PROX1: variants seen among roughly 807,000 people sequenced by gnomAD.
PROX1 encodes the protein prospero homeobox protein 1.
Under a neutral mutation model 58.8 loss-of-function variants are expected in PROX1, and 7 were observed. That is an observed-to-expected ratio of 0.12 (90% CI 0.07 to 0.22). PROX1 has a LOEUF of 0.22. Ranked by LOEUF, PROX1 falls within the 10% of genes least tolerant of loss-of-function variation. The probability of loss-of-function intolerance (pLI) is 1.00; values close to 1 mark genes in which losing one functional copy is unlikely to be tolerated. For synonymous variants in PROX1, 350 were observed against 358.3 expected (o/e 0.98, Z 0.26); for missense variants, 675 against 927.8 (o/e 0.73, Z 3.54).
chr1:214,032,860 AC>A (rs1040052072), intron 4 of PROX1, among the ~76,000 whole-genome samples: 4 of 152,240 alleles, frequency 2.6e-5, no homozygotes, highest in Non-Finnish European at 4.4e-5. Flanking sequence ...TATGATTGCC[AC>A]CACAAGAAAG....
At chr1:213,998,299 A>G (rs762405516) in intron 2 of PROX1, 39 bp downstream of exon 2, 2 of 1,513,242 alleles carry the variant, frequency 1.3e-6, no homozygotes, top group South Asian at 2.7e-5. Flanking sequence ...AAACAAACCA[A>G]AAAAGGTTTC....
In PROX1 at chr1:213,997,446, C is replaced by T; in HGVS notation, c.911C>T (p.Pro304Leu). 1 of 1,614,096 alleles carries T rather than the reference C, an allele frequency of 6.2e-7. No homozygotes were observed. The highest frequency in any genetic ancestry group is 8.5e-7 in the Non-Finnish European group (1 of 1,180,026). Reference protein sequence around the residue: ...RSDNEMCELDPGQFIDRARAL... With the variant: ...RSDNEMCELDLGQFIDRARAL... ...GATAATGAGATGTGCGAGCTAGACC[C>T]AGGACAGTTTATTGACCGAGCTCGA... Residue 304 changes from proline to leucine, a missense_variant, in exon 2 of 5, where the codon CCA becomes CTA. Pro to Leu is a moderately conservative substitution (Grantham distance 98, BLOSUM62 -3). Around this residue, in one of 8 missense-constraint regions of PROX1, gnomAD observed 403 missense variants for 477.4 expected, o/e 0.84. Coordinates refer to ENST00000366958, the MANE Select transcript of PROX1 (RefSeq NM_001270616.2). This position sits in a 1 kb window ranked among gnomAD's most constrained non-coding sequence, Gnocchi z 7.1.
At chr1:214,029,969 A>T (rs1007845995) in intron 4 of PROX1, 1 of 152,644 alleles carries the variant, frequency 6.6e-6, no homozygotes, top group African/African-American at 2.4e-5. Flanking sequence ...CCGTAACAAA[A>T]GCCCAACAGC....
At chr1:214,035,522 T>G in intron 4 of PROX1, 127 bp from the exon 5 acceptor site, 3 of 856,554 alleles carry the variant, frequency 3.5e-6, no homozygotes, top group Non-Finnish European at 5.2e-6. Flanking sequence ...AAGCCAGCTA[T>G]TTTTAGAAAA....
chr1:214,012,039 G>T (rs1160332126), intron 4 of PROX1, among the ~76,000 whole-genome samples: 3 of 152,156 alleles, frequency 2.0e-5, no homozygotes, highest in African/African-American at 7.2e-5. Flanking sequence ...CAAGGAAGAG[G>T]TCCCTACTCC....
intron 3 of PROX1, among the ~76,000 whole-genome samples, 175 bp from the exon 4 acceptor site, chr1:214,011,346 A>C (rs944262729): frequency 1.3e-5 from 2 of 152,130 alleles, no homozygotes; most frequent in African/African-American, 4.8e-5. Flanking sequence ...GGTTTTTATA[A>C]TTTCTTGTAA....
chr1:214,005,203 A>T lies in PROX1; in HGVS notation c.1764A>T (p.Ala588=). 1 of 1,614,112 alleles carries T rather than the reference A, an allele frequency of 6.2e-7. No individual in the cohort carries two copies. The highest frequency in any genetic ancestry group is 8.5e-7 in the Non-Finnish European group (1 of 1,179,962). The stretch of plus-strand genomic sequence containing the variant: ...TGTCACCCAATCACTTGAAAAAAGC[A>T]AAGCTCATGTTTTTTTATACCCGTT... ...EGLSPNHLKK[A]KLMFFYTRYP... Residue 588 remains alanine (A), a synonymous_variant, in exon 3 of 5, where the codon GCA becomes GCT. Coordinates refer to ENST00000366958, the MANE Select transcript of PROX1 (RefSeq NM_001270616.2).
chr1:214,017,782 C>G (rs895586547), intron 4 of PROX1, among the ~76,000 whole-genome samples: 2 of 152,140 alleles, frequency 1.3e-5, no homozygotes, highest in Non-Finnish European at 2.9e-5. Context: ...GGTGCTGGGA[C>G]AGTGGTGGGT....
upstream of PROX1, among the ~76,000 whole-genome samples, chr1:213,986,744 T>A (rs529762159): frequency 2.0e-5 from 3 of 152,328 alleles, no homozygotes; most frequent in South Asian, 6.2e-4. Context: ...TTTTATAGGA[T>A]CTTTAGGTCA....
intron 2 of PROX1, among the ~76,000 whole-genome samples, chr1:214,001,272 G>T (rs954778029): frequency 4.6e-5 from 7 of 152,158 alleles, no homozygotes; most frequent in African/African-American, 1.7e-4. Flanking sequence ...GAATGTGTAT[G>T]CAAGTTAAAC....
chr1:213,994,740 C>A (rs1663178886), intron 1 of PROX1, among the ~76,000 whole-genome samples: 1 of 120,446 alleles, frequency 8.3e-6, no homozygotes, highest in African/African-American at 3.1e-5. Context: ...ATTTCATTCT[C>A]AAGCATGCAA....
At chr1:214,020,358 G>T (rs1358950770) in intron 4 of PROX1, among the ~76,000 whole-genome samples, 2 of 152,090 alleles carry the variant, frequency 1.3e-5, no homozygotes, top group African/African-American at 4.8e-5. Flanking sequence ...TCTTCTGAAG[G>T]TTCCTTTCTC....
At chr1:214,028,409 G>C (rs1034752525) in intron 4 of PROX1, among the ~76,000 whole-genome samples, 1 of 152,102 alleles carries the variant, frequency 6.6e-6, no homozygotes, top group Non-Finnish European at 1.5e-5. Context: ...ATTCAGCTAC[G>C]AACAGTGCAG....
chr1:213,984,281 T>A (rs1662771534), upstream of PROX1: 1 of 152,238 alleles, frequency 6.6e-6, no homozygotes, highest in Non-Finnish European at 1.5e-5. Context: ...TGAAATTATA[T>A]TTTCATGACA....
At position 214,040,045 on chromosome 1, in the gene PROX1, C is replaced by T. The variant is rs896492063; in HGVS notation, c.*4211C>T. On this transcript the variant is annotated 3_prime_UTR_variant, in exon 5 of 5. Transcript: ENST00000366958. ...TACAAATGTTTCCTTCTGGTACAAACTCTGTGTTTGCAAATTTACAAGAAG... is the reference window on the plus strand; with the variant it reads ...TACAAATGTTTCCTTCTGGTACAAATTCTGTGTTTGCAAATTTACAAGAAG... 6.6e-6 allele frequency: 1 copy of T among 152,180 alleles called. No individual in the cohort carries two copies. The highest frequency in any genetic ancestry group is 2.4e-5 in the African/African-American group (1 of 41,448). The allele number at this position is 152,180 out of a possible 1,614,324, so 9.4% of individuals were successfully genotyped here. A position where few individuals can be genotyped will look rare whatever the true frequency, so the allele number is the denominator to read the frequency against.
chr1:213,986,668 ACAAAAATGAGTGTCT>A (rs1470677979), upstream of PROX1, among the ~76,000 whole-genome samples: 2 of 152,200 alleles, frequency 1.3e-5, no homozygotes, highest in Non-Finnish European at 2.9e-5. Context: ...CCTCCTACTT[ACAAAAATGAGTGTCT>A]AATAGACTAT....
intron 4 of PROX1, 130 bp downstream of exon 4, chr1:214,011,845 G>C: frequency 1.4e-6 from 1 of 700,232 alleles, no homozygotes; most frequent in Non-Finnish European, 2.2e-6. Flanking sequence ...AGAGTAACAG[G>C]TAGAGCTGTG....
rs142771153 is a variant in PROX1, at chr1:214,001,371, T to A, written c.1725+3111T>A. 5.0e-3 allele frequency among the ~76,000 whole-genome samples: 763 copies of A among 152,342 alleles called. 3 individuals carry two copies. Among genetic ancestry groups the A allele is most frequent in the Non-Finnish European group, 7.3e-3 (494 of 68,018 alleles). On this transcript the variant is annotated intron_variant, in intron 2 of 4. Coordinates refer to ENST00000366958, the MANE Select transcript of PROX1 (RefSeq NM_001270616.2). ...TTGCAAATGAATCTGTTTAATCAAA[T>A]ATTAAGTTTTATTCAAATTCCAAAA...
chr1:214,031,259 A>G (rs144053616), intron 4 of PROX1, among the ~76,000 whole-genome samples: 8 of 152,286 alleles, frequency 5.3e-5, no homozygotes, highest in East Asian at 1.9e-4. Context: ...GCATATCTTC[A>G]AGTACCTCAT....
Sources: allele counts gnomAD v4.1 joint callset (sites outside exome capture counted in the v4.1 genomes callset), GRCh38; gene constraint gnomAD v4.1.1; regional missense constraint gnomAD v4.1.1; non-coding constraint Gnocchi (gnomAD v3.1); transcripts MANE v1.5; gene names NCBI Gene and HGNC (gene_info 2026-07-23, HGNC 2026-07-21).